Variants in RASGRP3 observed in about 807,000 individuals in gnomAD.
RASGRP3 encodes ras guanyl-releasing protein 3.
Under a neutral mutation model 82.7 loss-of-function variants are expected in RASGRP3, and 54 were observed. The observed-to-expected ratio is 0.65, with a 90% CI of 0.52 to 0.82. The LOEUF is 0.82. RASGRP3 is among the 40% of genes least tolerant of loss of function. The pLI, the probability that RASGRP3 is intolerant of heterozygous loss-of-function variation, is 0.00. For missense variants in RASGRP3, 861 were observed against 828.9 expected (o/e 1.04, Z -0.48); for synonymous variants, 309 against 300.5 (o/e 1.03, Z -0.29).
intron 2 of RASGRP3, among the ~76,000 whole-genome samples, chr2:33,459,830 G>A (rs1666260323): frequency 6.6e-6 from 1 of 152,136 alleles, no homozygotes; most frequent in Non-Finnish European, 1.5e-5. Context: ...CTCTGGTGTT[G>A]ACTGGAACAA....
At chr2:33,460,797 G>A (rs945140528) in intron 2 of RASGRP3, among the ~76,000 whole-genome samples, 1 of 152,066 alleles carries the variant, frequency 6.6e-6, no homozygotes, top group African/African-American at 2.4e-5. Flanking sequence ...TTATGGACGT[G>A]AGCCACCGCA....
At chr2:33,455,926 A>G (rs1666011630) in intron 2 of RASGRP3, among the ~76,000 whole-genome samples, 1 of 152,194 alleles carries the variant, frequency 6.6e-6, no homozygotes. Context: ...CAAGTGATAC[A>G]TCATTTTCAA....
At chr2:33,449,499 C>T (rs1465482686) in intron 2 of RASGRP3, among the ~76,000 whole-genome samples, 5 of 152,136 alleles carry the variant, frequency 3.3e-5, no homozygotes, top group Admixed American at 6.5e-5. Context: ...CGGTGGCTCA[C>T]GCCTGTAATC....
intron 1 of RASGRP3, among the ~76,000 whole-genome samples, chr2:33,445,347 T>C (rs927204874): frequency 2.6e-5 from 4 of 152,226 alleles, no homozygotes; most frequent in Non-Finnish European, 4.4e-5. Context: ...TTTTGGTTCT[T>C]GTCTTATTCC....
intron 12 of RASGRP3, among the ~76,000 whole-genome samples, chr2:33,540,731 G>A (rs892947396): frequency 6.9e-6 from 1 of 144,076 alleles, no homozygotes; most frequent in African/African-American, 2.5e-5. Flanking sequence ...AGGATTTTAT[G>A]ATGAATTTTA....
rs1368273985 is a variant in RASGRP3, at chr2:33,562,633, G to A, written c.2065-96G>A. On this transcript the variant is annotated intron_variant, in intron 17 of 17. Coordinates refer to ENST00000403687, the MANE Select transcript of RASGRP3 (RefSeq NM_001139488.2). ...CTACAAGGTACTGATCATTTCAGAT[G>A]TTCCCTCAAAGTCATCTGAAAAACT... is the stretch of plus-strand genomic sequence containing the variant. 2.2e-5 allele frequency: 30 copies of A among 1,348,896 alleles called. No homozygotes were observed. The East Asian group carries it at 4.0e-4, about 18-fold the overall frequency. 83.6% of individuals were successfully genotyped at this position (1,348,896 alleles called of 1,614,324 possible).
chr2:33,513,917 T>C lies in RASGRP3; in HGVS notation c.-127-1093T>C, dbSNP rs1287093895. The C allele has an allele frequency of 2.6e-5, 4 of 152,318 alleles. No individual in the cohort carries two copies. In the East Asian group the frequency reaches 7.7e-4, roughly 29 times the overall value. The allele number at this position is 152,318 out of a possible 1,614,324, so 9.4% of individuals were successfully genotyped here. On this transcript the variant is annotated intron_variant, in intron 2 of 17. Coordinates refer to ENST00000403687, the MANE Select transcript of RASGRP3 (RefSeq NM_001139488.2). ...ATTAGCAGGCAAAACTATGATGGTTTGTGATATCCATGCTTGTAGAAGTAA... is the reference window on the plus strand; with the variant it reads ...ATTAGCAGGCAAAACTATGATGGTTCGTGATATCCATGCTTGTAGAAGTAA...
chr2:33,493,634 A>G (rs779663333), intron 1 of RASGRP3, among the ~76,000 whole-genome samples: 2 of 151,866 alleles, frequency 1.3e-5, no homozygotes, highest in Non-Finnish European at 2.9e-5. Flanking sequence ...ACCTCCACCA[A>G]GTCACCTTCA....
At chr2:33,495,233 G>A (rs963538215) in intron 1 of RASGRP3, among the ~76,000 whole-genome samples, 45 of 152,336 alleles carry the variant, frequency 3.0e-4, no homozygotes, top group African/African-American at 9.6e-4. Context: ...GACAGATTTC[G>A]TGGAAGACTG....
intron 2 of RASGRP3, among the ~76,000 whole-genome samples, chr2:33,461,439 A>G (rs906581528): frequency 6.6e-6 from 1 of 152,138 alleles, no homozygotes; most frequent in Non-Finnish European, 1.5e-5. Flanking sequence ...CACGACACTC[A>G]GCTAATTTTT....
intron 17 of RASGRP3, among the ~76,000 whole-genome samples, chr2:33,562,267 C>CTCT (rs1558534372): frequency 2.4e-5 from 3 of 127,066 alleles, no homozygotes; most frequent in Non-Finnish European, 4.9e-5. Context: ...ATCTCTCTCT[C>CTCT]TTTTTTTTTT....
At chr2:33,445,168 T>C (rs1402792042) in intron 1 of RASGRP3, among the ~76,000 whole-genome samples, 2 of 152,230 alleles carry the variant, frequency 1.3e-5, no homozygotes, top group African/African-American at 4.8e-5. Context: ...GCTGGTGTGA[T>C]AAAGATAGCT....
At chr2:33,482,681 G>T (rs1001346579) in intron 1 of RASGRP3, 3 of 152,214 alleles carry the variant, frequency 2.0e-5, no homozygotes, top group South Asian at 2.1e-4. Context: ...CTATCTGTCA[G>T]TTTCCCAATA....
chr2:33,539,123 G>T lies in RASGRP3; in HGVS notation c.1191G>T (p.Lys397Asn). The T allele has an allele frequency of 6.2e-7, 1 of 1,610,712 alleles. No individual in the cohort carries two copies. The highest frequency in any genetic ancestry group is 8.5e-7 in the Non-Finnish European group (1 of 1,178,570). Residue 397 changes from lysine (K) to asparagine (N), a missense_variant, in exon 12 of 18, where the codon AAG becomes AAT. Coordinates refer to ENST00000403687, the MANE Select transcript of RASGRP3 (RefSeq NM_001139488.2). ...SQPTSPTTPN[K>N]PVVPLEWALG... is the part of the protein sequence containing the mutation. ...CTACCTCCCCTACGACGCCCAACAAGCCTGTGGTACCCCTGGAGTGGGCAT... is the reference window on the plus strand; with the variant it reads ...CTACCTCCCCTACGACGCCCAACAATCCTGTGGTACCCCTGGAGTGGGCAT...
chr2:33,463,925 T>A (rs1044519620), intron 2 of RASGRP3, among the ~76,000 whole-genome samples: 13 of 151,764 alleles, frequency 8.6e-5, no homozygotes, highest in Non-Finnish European at 1.8e-4. Flanking sequence ...TTTGTACATG[T>A]GCATACCTCA....
chr2:33,467,702 G>A (rs1157249494), intron 2 of RASGRP3, among the ~76,000 whole-genome samples: 1 of 152,168 alleles, frequency 6.6e-6, no homozygotes, highest in Non-Finnish European at 1.5e-5. Context: ...AGCTTCAGGA[G>A]GGAGCTGCTA....
In RASGRP3 at chr2:33,497,973, C is replaced by CCTTTCTCCAGCCCTTCTTT. The variant is rs1669480800; in HGVS notation, c.-260-13736_-260-13735insTTTCTCCAGCCCTTCTTTC. ...CTGGCCTACACTGCCTTTTTCCCCT[C>CCTTTCTCCAGCCCTTCTTT]CCTTTCTCCAGCCCTTCTTTCCTTT... is the stretch of plus-strand genomic sequence containing the variant. On this transcript the variant is annotated intron_variant, in intron 1 of 17. Coordinates refer to ENST00000403687, the MANE Select transcript of RASGRP3 (RefSeq NM_001139488.2). 2.0e-5 allele frequency among the ~76,000 whole-genome samples: 3 copies of CCTTTCTCCAGCCCTTCTTT among 151,982 alleles called. No homozygotes were observed. The East Asian group carries it at 5.9e-4, about 30-fold the overall frequency.
chr2:33,543,389 T>C (rs1674450966), intron 12 of RASGRP3, 123 bp from the exon 13 acceptor site: 3 of 607,330 alleles, frequency 4.9e-6, no homozygotes, highest in Admixed American at 6.3e-5. Flanking sequence ...GACTTAGTTA[T>C]CTTTCACTAG....
intron 2 of RASGRP3, chr2:33,513,746 G>T (rs1379936498): frequency 6.6e-6 from 1 of 152,180 alleles, no homozygotes; most frequent in Admixed American, 6.5e-5. Flanking sequence ...ACTATAAGAG[G>T]CTATTGCCAA....
Sources: allele counts gnomAD v4.1 joint callset (sites outside exome capture counted in the v4.1 genomes callset), GRCh38; gene constraint gnomAD v4.1.1; transcripts MANE v1.5; gene names NCBI Gene and HGNC (gene_info 2026-07-23, HGNC 2026-07-21).